Variants in PLD5 observed in about 807,000 individuals in gnomAD.
PLD5 encodes the protein inactive phospholipase D5.
In PLD5, 36 loss-of-function variants were observed where a neutral mutation model predicts 61.1. That is an observed-to-expected ratio of 0.59 (90% CI 0.45 to 0.78). The LOEUF is 0.78. Among genes scored for constraint, PLD5 ranks in the 30% least tolerant of loss-of-function variants. The pLI is 0.00. For synonymous variants in PLD5, 243 were observed against 242.8 expected (o/e 1.00, Z -0.01); for missense variants, 515 against 644.4 (o/e 0.80, Z 2.17).
At chr1:242,527,122 T>C (rs1246779774), upstream of PLD5, among the ~76,000 whole-genome samples, 2 of 20,378 alleles carry the variant, frequency 9.8e-5, no homozygotes, top group African/African-American at 2.7e-4. Context: ...TTCTTTTTTT[T>C]TTTTTTTTTT....
chr1:242,340,482 G>A (rs1270679200), intron 2 of PLD5, among the ~76,000 whole-genome samples: 6 of 151,428 alleles, frequency 4.0e-5, no homozygotes, highest in African/African-American at 1.5e-4. Context: ...CCCCATTTTG[G>A]AGCAAAGTAA....
chr1:242,510,650 T>C (rs2809993), intron 1 of PLD5, among the ~76,000 whole-genome samples: 100,080 of 151,756 alleles, frequency 0.66, 34,128 homozygotes, highest in African/African-American at 0.82. Context: ...TCGAGACCAT[T>C]CTGGATAACA....
At chr1:242,194,634 C>G (rs372310693) in intron 5 of PLD5, among the ~76,000 whole-genome samples, 70 of 110,496 alleles carry the variant, frequency 6.3e-4, no homozygotes, top group Admixed American at 3.1e-3. Flanking sequence ...ATCTATCTAT[C>G]TATCTATCTA....
At chr1:242,108,709 T>G (rs990995430) in intron 7 of PLD5, among the ~76,000 whole-genome samples, 1 of 152,222 alleles carries the variant, frequency 6.6e-6, no homozygotes, top group Non-Finnish European at 1.5e-5. Context: ...ACCTTTTGTT[T>G]ACTCATCAAA....
chr1:242,175,280 T>G (rs376748552), intron 5 of PLD5, among the ~76,000 whole-genome samples: 1 of 152,208 alleles, frequency 6.6e-6, no homozygotes, highest in Non-Finnish European at 1.5e-5. Flanking sequence ...GTCCCTAGGA[T>G]GCATGGCTGG....
chr1:242,423,649 G>C lies in PLD5; in HGVS notation c.190-75407C>G, dbSNP rs1005807188. The stretch of plus-strand genomic sequence containing the variant: ...AGACCCCGTCTTTATTTAAAAAAAT[G>C]AGAATAAACAAACCCATCAGCCATC... On this transcript the variant is annotated intron_variant, in intron 1 of 9. Coordinates refer to ENST00000536534, the MANE Select transcript of PLD5 (RefSeq NM_001372062.1). 1.6e-4 allele frequency among the ~76,000 whole-genome samples: 24 copies of C among 152,056 alleles called. 1 individual carries two copies. The highest frequency in any genetic ancestry group is 5.6e-4 in the African/African-American group (23 of 41,380).
intron 4 of PLD5, among the ~76,000 whole-genome samples, chr1:242,257,003 T>C (rs1673091831): frequency 6.6e-6 from 1 of 151,732 alleles, no homozygotes; most frequent in Non-Finnish European, 1.5e-5. Flanking sequence ...CTATCATCTA[T>C]CTATCTATCA....
At chr1:242,471,284 G>GAA (rs11453618) in intron 1 of PLD5, among the ~76,000 whole-genome samples, 7 of 151,736 alleles carry the variant, frequency 4.6e-5, no homozygotes, top group African/African-American at 7.2e-5. Flanking sequence ...AATAATTTTG[G>GAA]AAAAAAAATC....
intron 7 of PLD5, among the ~76,000 whole-genome samples, chr1:242,109,588 C>T (rs1307766989): frequency 6.6e-6 from 1 of 152,278 alleles, no homozygotes; most frequent in Non-Finnish European, 1.5e-5. Context: ...CCCTTGCCCC[C>T]TCTCCAGTTA....
intron 1 of PLD5, among the ~76,000 whole-genome samples, chr1:242,513,810 A>G (rs902014274): frequency 2.0e-5 from 3 of 152,218 alleles, no homozygotes; most frequent in African/African-American, 7.2e-5. Context: ...CATCATGCCA[A>G]TCACAACTTC....
chr1:242,285,784 GTT>G (rs1323467314), intron 3 of PLD5, among the ~76,000 whole-genome samples: 1 of 151,970 alleles, frequency 6.6e-6, no homozygotes, highest in African/African-American at 2.4e-5. Flanking sequence ...GTAAACTACA[GTT>G]TACAATAATC....
At position 242,236,261 on chromosome 1, in the gene PLD5, A is replaced by T. The variant is rs76949657; in HGVS notation, c.608-16146T>A. Among the ~76,000 whole-genome samples the T allele has an allele frequency of 6.7e-3, 1,015 of 152,338 alleles. 21 individuals carry two copies. The highest frequency in any genetic ancestry group is 0.057 in the East Asian group (294 of 5,190). On this transcript the variant is annotated intron_variant, in intron 4 of 9. Coordinates refer to ENST00000536534, the MANE Select transcript of PLD5 (RefSeq NM_001372062.1). ...TATATATTTCTATTGCTTATAAGCTATCCAGTCTATGGTATTTTGCTATAG... is the reference window on the plus strand; with the variant it reads ...TATATATTTCTATTGCTTATAAGCTTTCCAGTCTATGGTATTTTGCTATAG...
intron 1 of PLD5, among the ~76,000 whole-genome samples, chr1:242,498,643 CT>C (rs1254507189): frequency 3.3e-5 from 5 of 152,172 alleles, no homozygotes; most frequent in African/African-American, 1.2e-4. Context: ...AAAACTAACA[CT>C]GCTGTAATGT....
At chr1:242,369,793 T>C (rs1661532642) in intron 1 of PLD5, among the ~76,000 whole-genome samples, 2 of 152,198 alleles carry the variant, frequency 1.3e-5, no homozygotes, top group Non-Finnish European at 2.9e-5. Context: ...TTATCCATAG[T>C]TCAATTTTCC....
At chr1:242,278,000 C>T (rs1188706733) in intron 3 of PLD5, among the ~76,000 whole-genome samples, 3 of 152,140 alleles carry the variant, frequency 2.0e-5, no homozygotes, top group Non-Finnish European at 1.5e-5. Flanking sequence ...AACAAACAAA[C>T]AAAACATATA....
intron 5 of PLD5, among the ~76,000 whole-genome samples, chr1:242,197,689 C>T (rs1386001159): frequency 6.6e-6 from 1 of 150,618 alleles, no homozygotes; most frequent in African/African-American, 2.5e-5. Flanking sequence ...GGCTGGAATG[C>T]AATGATGCGA....
upstream of PLD5, among the ~76,000 whole-genome samples, chr1:242,528,109 A>G (rs1344796637): frequency 1.3e-5 from 2 of 152,228 alleles, no homozygotes; most frequent in Non-Finnish European, 2.9e-5. Context: ...TTTGAAAAAC[A>G]CTGGATTTGA....
At chr1:242,361,620 A>G (rs1661070677) in intron 1 of PLD5, among the ~76,000 whole-genome samples, 1 of 152,228 alleles carries the variant, frequency 6.6e-6, no homozygotes, top group Admixed American at 6.5e-5. Context: ...GCCAATCTGT[A>G]CTTTCACAGC....
At chr1:242,446,102 T>G (rs1666524002) in intron 1 of PLD5, among the ~76,000 whole-genome samples, 1 of 152,074 alleles carries the variant, frequency 6.6e-6, no homozygotes, top group Admixed American at 6.6e-5. Flanking sequence ...TAAAAAGGTT[T>G]TAAAATTACT....
Sources: gnomAD v4.1 joint callset for allele counts (sites outside exome capture counted in the v4.1 genomes callset) on GRCh38, gnomAD v4.1.1 for gene constraint, MANE v1.5 for transcripts, NCBI Gene and HGNC (gene_info 2026-07-23, HGNC 2026-07-21) for gene names.